SLC37A3: variants seen among roughly 807,000 people sequenced by gnomAD.
SLC37A3 encodes the protein sugar phosphate exchanger 3.
A neutral mutation model predicts 67.1 loss-of-function variants in SLC37A3; 51 were observed. The ratio of observed to expected loss-of-function variants is 0.76; its 90% CI spans 0.61 to 0.96. The LOEUF (loss-of-function observed/expected upper bound fraction) is 0.96, where lower values mean the gene tolerates loss of function less well. Ranked by LOEUF, SLC37A3 falls within the 40% of genes least tolerant of loss-of-function variation. The probability of loss-of-function intolerance (pLI) is 0.00; values close to 1 mark genes in which losing one functional copy is unlikely to be tolerated. For synonymous variants in SLC37A3, 214 were observed against 231.4 expected (o/e 0.92, Z 0.68); for missense variants, 508 against 603.0 (o/e 0.84, Z 1.65).
intron 10 of SLC37A3, among the ~76,000 whole-genome samples, chr7:140,346,965 A>G (rs1336435319): frequency 1.3e-5 from 2 of 151,986 alleles, no homozygotes; most frequent in Non-Finnish European, 2.9e-5. Context: ...GCCTTACAGT[A>G]TATTGAGGCC....
intron 14 of SLC37A3, among the ~76,000 whole-genome samples, chr7:140,336,332 C>T (rs1796129876): frequency 1.3e-5 from 2 of 152,176 alleles, no homozygotes; most frequent in Admixed American, 6.5e-5. Context: ...ACCCCCTGAG[C>T]CCAAGATCAC....
chr7:140,345,889 C>T lies in SLC37A3; in HGVS notation c.1106G>A (p.Gly369Glu). ...CTCACGACTATACCCGATGAGGGACCCAACTGCCAGAAGCAGACTCAGGGC... is the reference window on the plus strand; with the variant it reads ...CTCACGACTATACCCGATGAGGGACTCAACTGCCAGAAGCAGACTCAGGGC... ...VLALSLLLAV[G>E]SLIGYSRSPN... Residue 369 changes from glycine to glutamate, a missense_variant, in exon 11 of 15, where the codon GGG becomes GAG. Coordinates refer to ENST00000326232, the MANE Select transcript of SLC37A3 (RefSeq NM_207113.3). The T allele has an allele frequency of 6.2e-7, 1 of 1,613,754 alleles. No homozygotes were observed. The highest frequency in any genetic ancestry group is 8.5e-7 in the Non-Finnish European group (1 of 1,179,768).
intron 7 of SLC37A3, among the ~76,000 whole-genome samples, chr7:140,354,495 A>G (rs1176053993): frequency 1.3e-5 from 2 of 152,024 alleles, no homozygotes; most frequent in Non-Finnish European, 2.9e-5. Flanking sequence ...TTCCATAAGA[A>G]CAGAGATTTT....
chr7:140,360,628 G>A (rs1222015929), intron 5 of SLC37A3, among the ~76,000 whole-genome samples: 2 of 151,718 alleles, frequency 1.3e-5, no homozygotes, highest in Non-Finnish European at 2.9e-5. Context: ...CAGCTACTCA[G>A]GAGGCTAAAA....
chr7:140,335,460 T>A lies in SLC37A3; in HGVS notation c.1437A>T (p.Glu479Asp). 1 of 1,614,176 alleles carries A rather than the reference T, an allele frequency of 6.2e-7. No homozygotes were observed. The highest frequency in any genetic ancestry group is 1.7e-5 in the Admixed American group (1 of 60,022). Reference sequence around the variant, plus strand: ...GTCTCCTTAGCACGAGAGAGAATATTTCCCTCACTATTAATGGCGAGATAA... The same window carrying A: ...GTCTCCTTAGCACGAGAGAGAATATATCCCTCACTATTAATGGCGAGATAA... ...IVFISPLIVREIFSLVLRRQA... is the reference protein window; with the variant it reads ...IVFISPLIVRDIFSLVLRRQA... Residue 479 changes from glutamate (E) to aspartate (D), a missense_variant, in exon 15 of 15, where the codon GAA (glutamate) becomes GAT (aspartate). Transcript: ENST00000326232.
At chr7:140,367,258 GA>G (rs1797639546) in intron 4 of SLC37A3, among the ~76,000 whole-genome samples, 1 of 152,058 alleles carries the variant, frequency 6.6e-6, no homozygotes, top group Admixed American at 6.6e-5. Flanking sequence ...CCAACACGAT[GA>G]AACCCCATCT....
At chr7:140,397,352 C>T (rs897573865) in intron 1 of SLC37A3, among the ~76,000 whole-genome samples, 1 of 151,660 alleles carries the variant, frequency 6.6e-6, no homozygotes, top group Admixed American at 6.6e-5. Context: ...CGCCACGACG[C>T]CCAGCTAATC....
intron 1 of SLC37A3, among the ~76,000 whole-genome samples, chr7:140,395,760 T>TATATACC (rs1798900696): frequency 6.6e-6 from 1 of 151,836 alleles, no homozygotes; most frequent in Non-Finnish European, 1.5e-5. Context: ...AACTCAGAGG[T>TATATACC]ATATACCAAG....
At chr7:140,366,206 GC>G (rs1797595728) in intron 4 of SLC37A3, among the ~76,000 whole-genome samples, 1 of 151,806 alleles carries the variant, frequency 6.6e-6, no homozygotes. Context: ...CAGACACCAC[GC>G]CCAGCCAAGT....
intron 5 of SLC37A3, among the ~76,000 whole-genome samples, chr7:140,361,534 C>A (rs1283810725): frequency 1.3e-5 from 1 of 77,770 alleles, no homozygotes; most frequent in Non-Finnish European, 2.3e-5. Context: ...CCTCCCCCTC[C>A]CTCTCTCCCT....
At chr7:140,392,107 C>G (rs1416557560) in intron 1 of SLC37A3, among the ~76,000 whole-genome samples, 1 of 152,068 alleles carries the variant, frequency 6.6e-6, no homozygotes. Context: ...AAACCCTCTC[C>G]CCTCCCTTTC....
At position 140,335,390 on chromosome 7, in the gene SLC37A3, C is replaced by T. The variant is rs767134837; in HGVS notation, c.*22G>A. 3.7e-6 allele frequency: 6 copies of T among 1,614,182 alleles called. No homozygotes were observed. Among genetic ancestry groups the T allele is most frequent in the Non-Finnish European group, 5.1e-6 (6 of 1,180,036 alleles). ...CGGTCCTGATGTGGCTGACATTGTT[C>T]TTTCTGTCTCGCGGGCACCGGTCAC... is the stretch of plus-strand genomic sequence containing the variant. On this transcript the variant is annotated 3_prime_UTR_variant, in exon 15 of 15. Transcript: ENST00000326232.
rs1053065427 is a variant in SLC37A3, at chr7:140,351,178, G to A, written c.882+95C>T. The A allele has an allele frequency of 1.9e-5, 24 of 1,236,016 alleles. No individual in the cohort carries two copies. In the South Asian group the frequency reaches 3.6e-4, roughly 19 times the overall value. 76.6% of individuals were successfully genotyped at this position (1,236,016 alleles called of 1,614,324 possible). A position where few individuals can be genotyped will look rare whatever the true frequency, so the allele number is the denominator to read the frequency against. On this transcript the variant is annotated intron_variant, in intron 9 of 14. Coordinates refer to ENST00000326232, the MANE Select transcript of SLC37A3 (RefSeq NM_207113.3). ...TATTCCTAAAATAAAGTATCCAACA[G>A]AGGCTCAATACTTAAGGAAGCTTTA...
chr7:140,381,546 T>C (rs1798254164), intron 2 of SLC37A3, among the ~76,000 whole-genome samples: 1 of 151,418 alleles, frequency 6.6e-6, no homozygotes, highest in African/African-American at 2.4e-5. Flanking sequence ...TAAATAATCA[T>C]TATTTCTGGC....
intron 9 of SLC37A3, among the ~76,000 whole-genome samples, chr7:140,350,555 GA>G (rs1157238816): frequency 2.8e-4 from 42 of 152,168 alleles, no homozygotes; most frequent in African/African-American, 9.9e-4. Context: ...ATGAGATCAA[GA>G]GATGGAGACC....
intron 6 of SLC37A3, among the ~76,000 whole-genome samples, chr7:140,357,985 A>G (rs981489293): frequency 6.6e-6 from 1 of 152,008 alleles, no homozygotes; most frequent in African/African-American, 2.4e-5. Flanking sequence ...CTGAGGCAGG[A>G]GAATCACTTG....
rs768704612 is a variant in SLC37A3, at chr7:140,394,086, G to A, written c.-71+4330C>T. 5.3e-4 allele frequency among the ~76,000 whole-genome samples: 81 copies of A among 152,046 alleles called. 2 individuals carry two copies. The highest frequency in any genetic ancestry group is 1.0e-4 in the Non-Finnish European group (7 of 68,008). On this transcript the variant is annotated intron_variant, in intron 1 of 14. Transcript: ENST00000326232. ...CTCGAGAGGTGGAGGCGGGAGGATC[G>A]CTTGAACCCGGTAGGTGGAGACTGA... is the stretch of plus-strand genomic sequence containing the variant.
intron 8 of SLC37A3, 171 bp downstream of exon 8, chr7:140,351,891 G>T: frequency 1.4e-6 from 1 of 736,808 alleles, no homozygotes; most frequent in South Asian, 1.5e-5. Context: ...AGCTGTGCCA[G>T]GGGCTGGCTA....
At chr7:140,367,036 G>A (rs916019094) in intron 4 of SLC37A3, among the ~76,000 whole-genome samples, 8 of 152,090 alleles carry the variant, frequency 5.3e-5, no homozygotes, top group African/African-American at 1.9e-4. Context: ...TACTCAGGAG[G>A]CTGAAGCAGC....
Sources: allele counts gnomAD v4.1 joint callset (sites outside exome capture counted in the v4.1 genomes callset), GRCh38; gene constraint gnomAD v4.1.1; transcripts MANE v1.5; gene names NCBI Gene and HGNC (gene_info 2026-07-23, HGNC 2026-07-21).